MAP2K1: variants seen among roughly 807,000 people sequenced by gnomAD.
MAP2K1 encodes the protein dual specificity mitogen-activated protein kinase kinase 1.
A neutral mutation model predicts 46.3 loss-of-function variants in MAP2K1; 16 were observed. The observed-to-expected ratio is 0.35, with a 90% confidence interval of 0.23 to 0.52. MAP2K1 has a LOEUF of 0.52. MAP2K1 is among the 20% of genes least tolerant of loss of function. The pLI, the probability that MAP2K1 is intolerant of heterozygous loss-of-function variation, is 0.94. For missense variants in MAP2K1, 263 were observed against 497.1 expected (o/e 0.53, Z 4.48); for synonymous variants, 183 against 185.6 (o/e 0.99, Z 0.11).
At chr15:66,388,076 A>G (rs1311426299) in intron 1 of MAP2K1, among the ~76,000 whole-genome samples, 1 of 151,914 alleles carries the variant, frequency 6.6e-6, no homozygotes, top group Non-Finnish European at 1.5e-5. Flanking sequence ...TGAACAAACC[A>G]TTTTCTCACT....
At chr15:66,420,759 G>GTATATATA (rs772406179) in intron 1 of MAP2K1, among the ~76,000 whole-genome samples, 1 of 40,080 alleles carries the variant, frequency 2.5e-5, no homozygotes, top group African/African-American at 9.6e-5. Flanking sequence ...GTGTGTGTGT[G>GTATATATA]TATGTGTGTA....
chr15:66,405,020 A>G (rs1206846787), intron 1 of MAP2K1, among the ~76,000 whole-genome samples: 1 of 152,268 alleles, frequency 6.6e-6, no homozygotes, highest in African/African-American at 2.4e-5. Flanking sequence ...GGACATCGCA[A>G]CTGGAAAAAT....
intron 1 of MAP2K1, among the ~76,000 whole-genome samples, chr15:66,405,356 C>T (rs1467233831): frequency 6.6e-6 from 1 of 152,222 alleles, no homozygotes; most frequent in South Asian, 2.1e-4. Flanking sequence ...CTAGGTTGCA[C>T]TGCCCACATT....
intron 8 of MAP2K1, among the ~76,000 whole-genome samples, chr15:66,487,497 G>A (rs1350364327): frequency 6.6e-6 from 1 of 152,120 alleles, no homozygotes; most frequent in Non-Finnish European, 1.5e-5. Context: ...AAATTAGCTG[G>A]GCATGGTGGT....
At chr15:66,440,726 A>G (rs1043924499) in intron 3 of MAP2K1, among the ~76,000 whole-genome samples, 7 of 152,212 alleles carry the variant, frequency 4.6e-5, no homozygotes, top group Non-Finnish European at 8.8e-5. Context: ...CAAAAGCACC[A>G]TTGACTTAGT....
intron 5 of MAP2K1, among the ~76,000 whole-genome samples, chr15:66,465,076 T>G (rs903115912): frequency 4.6e-5 from 7 of 150,922 alleles, no homozygotes; most frequent in African/African-American, 1.7e-4. Flanking sequence ...TACAAAAAAA[T>G]TAGCCGGGCA....
At chr15:66,404,592 C>T (rs1220961521) in intron 1 of MAP2K1, among the ~76,000 whole-genome samples, 1 of 152,186 alleles carries the variant, frequency 6.6e-6, no homozygotes, top group African/African-American at 2.4e-5. Flanking sequence ...AGTTCTAAAG[C>T]ATTTCCAGTT....
chr15:66,435,433 C>G (rs546453676), intron 2 of MAP2K1, among the ~76,000 whole-genome samples, 196 bp downstream of exon 2: 3 of 150,422 alleles, frequency 2.0e-5, no homozygotes, highest in African/African-American at 7.3e-5. Context: ...TCAAACGATT[C>G]TCCTGCCTCA....
intron 1 of MAP2K1, among the ~76,000 whole-genome samples, chr15:66,399,614 C>T (rs2093376759): frequency 6.6e-6 from 1 of 151,966 alleles, no homozygotes; most frequent in Non-Finnish European, 1.5e-5. Context: ...GCCAATACAC[C>T]CAGCTATTTT....
chr15:66,387,603 C>G (rs577343530), intron 1 of MAP2K1, among the ~76,000 whole-genome samples, 176 bp downstream of exon 1: 1 of 150,934 alleles, frequency 6.6e-6, no homozygotes, highest in South Asian at 2.1e-4. Context: ...GTTCCTGACT[C>G]AGACCAGTTA....
chr15:66,473,771 G>A (rs1291751230), intron 5 of MAP2K1, among the ~76,000 whole-genome samples: 1 of 152,086 alleles, frequency 6.6e-6, no homozygotes, highest in Non-Finnish European at 1.5e-5. Flanking sequence ...TCTGCTTCCC[G>A]GGTTCAATGA....
chr15:66,454,992 G>T (rs1250434098), intron 5 of MAP2K1, among the ~76,000 whole-genome samples: 2 of 152,140 alleles, frequency 1.3e-5, no homozygotes, highest in Non-Finnish European at 2.9e-5. Flanking sequence ...CTAGTTGGGA[G>T]GTTGGCTCAG....
chr15:66,464,765 G>A (rs569766738), intron 5 of MAP2K1, among the ~76,000 whole-genome samples: 1 of 151,646 alleles, frequency 6.6e-6, no homozygotes, highest in Non-Finnish European at 1.5e-5. Context: ...AACCTCAGGT[G>A]AATCCACCTG....
chr15:66,432,959 A>AGTGTGTGTGTGTGTGTGTGTGTGTGT lies in MAP2K1; in HGVS notation c.81-2051_81-2026dup, dbSNP rs1164509967. ...CTCCTTCCATTCCCCCATCATGCAC[A>AGTGTGTGTGTGTGTGTGTGTGTGTGT]GTGTGTGTGTGTGTGTGTGTGTGTG... On this transcript the variant is annotated intron_variant, in intron 1 of 10. Coordinates refer to ENST00000307102, the MANE Select transcript of MAP2K1 (RefSeq NM_002755.4). Among the ~76,000 whole-genome samples, 222 of 131,992 alleles carry AGTGTGTGTGTGTGTGTGTGTGTGTGT rather than the reference A, an allele frequency of 1.7e-3. 2 individuals carry two copies. The highest frequency in any genetic ancestry group is 3.9e-3 in the Middle Eastern group (1 of 256). 86.6% of individuals were successfully genotyped at this position (131,992 alleles called of 152,430 possible).
intron 5 of MAP2K1, among the ~76,000 whole-genome samples, chr15:66,479,727 A>C (rs1892867784): frequency 6.6e-6 from 1 of 152,110 alleles, no homozygotes; most frequent in Admixed American, 6.6e-5. Context: ...GTTTGGGCTC[A>C]GGGCTTAGAG....
chr15:66,391,414 A>T (rs918389529), intron 1 of MAP2K1, among the ~76,000 whole-genome samples: 2 of 152,062 alleles, frequency 1.3e-5, no homozygotes, highest in Non-Finnish European at 1.5e-5. Context: ...TCAGCCTCCC[A>T]AGTAGCTGGG....
At chr15:66,393,240 C>G (rs1315424060) in intron 1 of MAP2K1, among the ~76,000 whole-genome samples, 4 of 151,316 alleles carry the variant, frequency 2.6e-5, no homozygotes, top group African/African-American at 4.9e-5. Flanking sequence ...TGCAGTGTTG[C>G]AATCCTGGCT....
At chr15:66,454,553 C>T (rs77928198) in intron 5 of MAP2K1, among the ~76,000 whole-genome samples, 4,297 of 152,240 alleles carry the variant, frequency 0.028, 153 homozygotes, top group Admixed American at 0.067. Flanking sequence ...GCAACAGAAA[C>T]CAGCCTGACT....
rs139364105 is a variant in MAP2K1 at position 66,436,850 on chromosome 15, G to A, written c.396G>A (p.Ala132=). Residue 132 remains alanine, a synonymous_variant, in exon 3 of 11, where the codon GCG becomes GCA. Transcript: ENST00000307102. The part of the protein sequence containing the change: ...NSPYIVGFYG[A]FYSDGEISIC... ...CGTACATCGTGGGCTTCTATGGTGCGTTCTACAGCGATGGCGAGATCAGTA... is the reference window on the plus strand; with the variant it reads ...CGTACATCGTGGGCTTCTATGGTGCATTCTACAGCGATGGCGAGATCAGTA... 2.8e-5 allele frequency: 45 copies of A among 1,614,176 alleles called. No homozygotes were observed. Among genetic ancestry groups the A allele is most frequent in the Middle Eastern group, 1.6e-4 (1 of 6,062 alleles).
Sources: gnomAD v4.1 joint callset for allele counts (sites outside exome capture counted in the v4.1 genomes callset) on GRCh38, gnomAD v4.1.1 for gene constraint, MANE v1.5 for transcripts, NCBI Gene and HGNC (gene_info 2026-07-23, HGNC 2026-07-21) for gene names.